PRKG1: variants seen among roughly 807,000 people sequenced by gnomAD.
PRKG1 encodes cGMP-dependent protein kinase 1.
In PRKG1, 35 loss-of-function variants were observed where a neutral mutation model predicts 88.1. The ratio of observed to expected loss-of-function variants is 0.40; its 90% CI spans 0.30 to 0.53. The LOEUF (loss-of-function observed/expected upper bound fraction) is 0.53. Among genes scored for constraint, PRKG1 ranks in the 20% least tolerant of loss-of-function variants. The probability of loss-of-function intolerance (pLI) is 0.59; values close to 1 mark genes in which losing one functional copy is unlikely to be tolerated. For missense variants in PRKG1, 540 were observed against 839.8 expected, an observed-to-expected ratio of 0.64 and a Z score of 4.41; for synonymous variants, 303 against 292.5, an observed-to-expected ratio of 1.04 and a Z score of -0.37.
chr10:52,229,446 G>C (rs965985194), intron 9 of PRKG1, among the ~76,000 whole-genome samples: 13 of 152,292 alleles, frequency 8.5e-5, no homozygotes, highest in African/African-American at 3.1e-4. Flanking sequence ...CCACCCTCAT[G>C]ATGGCTTTGA....
Position 51,451,518 on chromosome 10 carries a change from G to T in PRKG1, c.479-16205G>T, listed in dbSNP as rs118026099. 4.8e-3 allele frequency among the ~76,000 whole-genome samples: 727 copies of T among 152,054 alleles called. 35 individuals carry two copies. In the South Asian group the frequency reaches 0.083, roughly 17 times the overall value. The stretch of plus-strand genomic sequence containing the variant: ...CTCAAACTCAGATTAATTTAGAGAA[G>T]ATCTGTATTCATGGAAATACTAGAC... On this transcript the variant is annotated intron_variant, in intron 2 of 17. Transcript: ENST00000373980.
chr10:51,638,033 C>A (rs1473244397), intron 3 of PRKG1, among the ~76,000 whole-genome samples: 5 of 152,028 alleles, frequency 3.3e-5, no homozygotes, highest in African/African-American at 7.2e-5. Flanking sequence ...ACGAGAGATC[C>A]CCAATTTGCC....
chr10:52,283,025 A>G (rs774675247), intron 14 of PRKG1, among the ~76,000 whole-genome samples: 1 of 152,082 alleles, frequency 6.6e-6, no homozygotes. Context: ...GGCATGGCTT[A>G]AAGAGAAAGG....
intron 1 of PRKG1, among the ~76,000 whole-genome samples, chr10:51,001,266 G>T (rs1842886069): frequency 6.6e-6 from 1 of 152,194 alleles, no homozygotes. Context: ...CCACAGCGAG[G>T]CCTCTCATTT....
intron 9 of PRKG1, among the ~76,000 whole-genome samples, chr10:52,246,361 AAGAG>A (rs1191401912): frequency 6.6e-5 from 10 of 152,164 alleles, no homozygotes; most frequent in Admixed American, 6.6e-4. Context: ...TGATTTTAGA[AAGAG>A]AGATGGGGAA....
At chr10:51,235,926 G>T (rs754649059) in intron 2 of PRKG1, among the ~76,000 whole-genome samples, 83 of 152,244 alleles carry the variant, frequency 5.5e-4, no homozygotes, top group Middle Eastern at 3.4e-3. Flanking sequence ...TTCTTCCCAA[G>T]GTCAGTGGTT....
At chr10:52,166,799 A>ATATATT (rs530936087) in intron 9 of PRKG1, among the ~76,000 whole-genome samples, 1 of 70,800 alleles carries the variant, frequency 1.4e-5, no homozygotes, top group Non-Finnish European at 2.3e-5. Context: ...ATATATATAC[A>ATATATT]TATATATATG....
At chr10:52,067,701 T>C (rs1846386377) in intron 7 of PRKG1, among the ~76,000 whole-genome samples, 1 of 149,800 alleles carries the variant, frequency 6.7e-6, no homozygotes, top group African/African-American at 2.4e-5. Flanking sequence ...TGTGCAGTAT[T>C]GTTTGGCTCA....
At chr10:52,042,876 C>A (rs1242900409) in intron 5 of PRKG1, among the ~76,000 whole-genome samples, 1 of 151,794 alleles carries the variant, frequency 6.6e-6, no homozygotes, top group African/African-American at 2.4e-5. Context: ...AATCCAACAG[C>A]AATAAAAAAA....
At chr10:51,644,127 TCA>T (rs1203728761) in intron 3 of PRKG1, among the ~76,000 whole-genome samples, 1 of 152,212 alleles carries the variant, frequency 6.6e-6, no homozygotes, top group African/African-American at 2.4e-5. Flanking sequence ...ACTCTTAGTA[TCA>T]CAGAATTTTG....
intron 3 of PRKG1, among the ~76,000 whole-genome samples, chr10:51,510,902 C>A (rs2132059642): frequency 6.8e-6 from 1 of 147,824 alleles, no homozygotes; most frequent in South Asian, 2.1e-4. Context: ...CACCACCACA[C>A]CAGCTTATTT....
intron 3 of PRKG1, chr10:51,699,086 T>C (rs1178275716): frequency 1.2e-6 from 2 of 1,614,104 alleles, no homozygotes; most frequent in African/African-American, 2.7e-5. Context: ...AGCTTCCTGG[T>C]GGCTGTTTTG....
rs1841172126 is a variant in PRKG1, at chr10:52,251,644, G to T, written c.1151G>T (p.Gly384Val). The change falls in exon 10 of 18, where the codon GGA (glycine) becomes GTA (valine). Residue 384 changes from glycine to valine, a missense_variant. This residue lies in a region of PRKG1 where 400 missense variants were observed against 562.7 expected (regional missense o/e 0.71). Coordinates refer to ENST00000373980, the MANE Select transcript of PRKG1 (RefSeq NM_006258.4). Reference sequence around the variant, plus strand: ...AACATCATTGATACCCTTGGAGTTGGAGGTTTCGGACGAGTAGAACTGGTA... The same window carrying T: ...AACATCATTGATACCCTTGGAGTTGTAGGTTTCGGACGAGTAGAACTGGTA... ...DFNIIDTLGV[G>V]GFGRVELVQL... 6.2e-7 allele frequency: 1 copy of T among 1,613,308 alleles called. No individual in the cohort carries two copies. Among genetic ancestry groups the T allele is most frequent in the African/African-American group, 1.3e-5 (1 of 74,866 alleles).
chr10:51,953,821 T>C (rs1012883851), intron 5 of PRKG1, among the ~76,000 whole-genome samples: 2 of 152,164 alleles, frequency 1.3e-5, no homozygotes, highest in Admixed American at 1.3e-4. Context: ...GTATCCTCTA[T>C]ATTATTCAAA....
At chr10:51,057,003 C>T (rs1843633416) in intron 1 of PRKG1, among the ~76,000 whole-genome samples, 2 of 152,104 alleles carry the variant, frequency 1.3e-5, no homozygotes, top group East Asian at 1.9e-4. Flanking sequence ...TCTTCTTTTC[C>T]GATTTCTTGA....
intron 7 of PRKG1, among the ~76,000 whole-genome samples, chr10:52,114,088 C>G (rs1428723246): frequency 1.3e-5 from 2 of 151,888 alleles, no homozygotes; most frequent in Admixed American, 1.3e-4. Context: ...TAATAATGGA[C>G]TTGGGGTTAG....
chr10:51,927,203 T>C (rs1842597168), intron 5 of PRKG1, among the ~76,000 whole-genome samples: 1 of 152,178 alleles, frequency 6.6e-6, no homozygotes, highest in Admixed American at 6.5e-5. Flanking sequence ...TGGGAGATAA[T>C]TGAATCATAG....
rs147647822 is a variant in PRKG1, at chr10:52,144,543, G to T, written c.1001+10638G>T. Among the ~76,000 whole-genome samples, 82 of 152,326 alleles carry T rather than the reference G, an allele frequency of 5.4e-4. 2 individuals are homozygous for T. In the East Asian group the frequency reaches 0.015, roughly 29 times the overall value. Reference sequence around the variant, plus strand: ...CTTTAGTCTAGGGCCAGGCACAGTGGCTCATGCCTGTAATCCCAGCACTTT... The same window carrying T: ...CTTTAGTCTAGGGCCAGGCACAGTGTCTCATGCCTGTAATCCCAGCACTTT... On this transcript the variant is annotated intron_variant, in intron 8 of 17. Coordinates refer to ENST00000373980, the MANE Select transcript of PRKG1 (RefSeq NM_006258.4).
chr10:51,736,038 G>A (rs1342332691), intron 3 of PRKG1, among the ~76,000 whole-genome samples: 1 of 147,462 alleles, frequency 6.8e-6, no homozygotes, highest in African/African-American at 2.5e-5. Flanking sequence ...GACCACAGGT[G>A]TGTGCCACTA....
Sources: gnomAD v4.1 joint callset for allele counts (sites outside exome capture counted in the v4.1 genomes callset) on GRCh38, gnomAD v4.1.1 for gene constraint, gnomAD v4.1.1 regional missense constraint, MANE v1.5 for transcripts, NCBI Gene and HGNC (gene_info 2026-07-23, HGNC 2026-07-21) for gene names.